SEL1L3: variants seen among roughly 807,000 people sequenced by gnomAD.
SEL1L3 encodes protein sel-1 homolog 3.
In SEL1L3, 76 loss-of-function variants were observed where a neutral mutation model predicts 142.8. The ratio of observed to expected loss-of-function variants is 0.53; its 90% CI spans 0.44 to 0.64. The LOEUF (loss-of-function observed/expected upper bound fraction) is 0.64, where lower values mean the gene tolerates loss of function less well. Among genes scored for constraint, SEL1L3 ranks in the 30% least tolerant of loss-of-function variants. SEL1L3 has a pLI of 0.00. For missense variants in SEL1L3, 1,262 were observed against 1,381.7 expected, an observed-to-expected ratio of 0.91 and a Z score of 1.37; for synonymous variants, 504 against 519.6, an observed-to-expected ratio of 0.97 and a Z score of 0.41.
At chr4:25,824,446 T>C (rs770227771) in intron 6 of SEL1L3, among the ~76,000 whole-genome samples, 40 of 152,348 alleles carry the variant, frequency 2.6e-4, no homozygotes, top group Middle Eastern at 3.4e-3. Flanking sequence ...AGTACCTGCC[T>C]GTATGGTTGT....
chr4:25,723,470 T>C, the SEL1L3 span, among the ~76,000 whole-genome samples: 1 of 152,186 alleles, frequency 6.6e-6, no homozygotes, highest in Non-Finnish European at 1.5e-5. Flanking sequence ...TTCCACAGTA[T>C]TATTGTAACA....
In SEL1L3 at chr4:25,787,169, C is replaced by A. The variant is rs115313168; in HGVS notation, c.2217+1055G>T. Reference sequence around the variant, plus strand: ...AACATACCAGTTGGGTGACCTTGGGCAAATTACAAAACCTTTCTCTGTGCC... The same window carrying A: ...AACATACCAGTTGGGTGACCTTGGGAAAATTACAAAACCTTTCTCTGTGCC... On this transcript the variant is annotated intron_variant, in intron 13 of 23. Coordinates refer to ENST00000399878, the MANE Select transcript of SEL1L3 (RefSeq NM_015187.5). Among the ~76,000 whole-genome samples the A allele has an allele frequency of 4.6e-3, 695 of 152,308 alleles. 4 individuals carry two copies. The highest frequency in any genetic ancestry group is 0.015 in the African/African-American group (638 of 41,560).
At chr4:25,857,149 G>A (rs944739793) in intron 1 of SEL1L3, among the ~76,000 whole-genome samples, 9 of 151,996 alleles carry the variant, frequency 5.9e-5, no homozygotes, top group African/African-American at 1.7e-4. Flanking sequence ...TGTAATTTCT[G>A]TCTACTAGAT....
chr4:25,739,760 ATGTGTGTG>A, the SEL1L3 span, among the ~76,000 whole-genome samples: 11,128 of 146,492 alleles, frequency 0.076, 483 homozygotes, highest in African/African-American at 0.13. Flanking sequence ...AGAAAAAATA[ATGTGTGTG>A]TGTGTGTGTG....
intron 20 of SEL1L3, among the ~76,000 whole-genome samples, chr4:25,761,052 G>A (rs1199982218): frequency 6.6e-6 from 1 of 152,120 alleles, no homozygotes; most frequent in East Asian, 1.9e-4. Flanking sequence ...CTAAATAGAT[G>A]AAGCGTTAAG....
downstream of SEL1L3, among the ~76,000 whole-genome samples, chr4:25,744,348 C>CTTTTTTTTTTTTTTTT (rs35155388): frequency 8.2e-4 from 83 of 101,432 alleles, 12 homozygotes; most frequent in Middle Eastern, 0.018. Flanking sequence ...ATGTGTGAGT[C>CTTTTTTTTTTTTTTTT]TTTTTTTTTT....
At chr4:25,759,282 T>C in intron 20 of SEL1L3, 1 of 526,512 alleles carries the variant, frequency 1.9e-6, no homozygotes, top group Non-Finnish European at 3.3e-6. Flanking sequence ...CAGAAGCTGC[T>C]GTGTCCCATC....
At chr4:25,800,441 A>G (rs940613708) in intron 11 of SEL1L3, among the ~76,000 whole-genome samples, 2 of 152,232 alleles carry the variant, frequency 1.3e-5, no homozygotes, top group Non-Finnish European at 1.5e-5. Context: ...GGTTCTGACC[A>G]ATTAAATGTT....
intron 6 of SEL1L3, among the ~76,000 whole-genome samples, chr4:25,825,973 G>A (rs1715072047): frequency 6.6e-6 from 1 of 151,940 alleles, no homozygotes; most frequent in South Asian, 2.1e-4. Context: ...CGCCCGGCCG[G>A]CCTGGTCTAA....
chr4:25,795,274 C>G (rs1340227409), intron 11 of SEL1L3, among the ~76,000 whole-genome samples: 2 of 152,186 alleles, frequency 1.3e-5, no homozygotes, highest in African/African-American at 4.8e-5. Flanking sequence ...GGTCATGGCA[C>G]ACTCTCAGTA....
chr4:25,811,323 A>C (rs1004490057), intron 9 of SEL1L3, among the ~76,000 whole-genome samples: 1 of 152,254 alleles, frequency 6.6e-6, no homozygotes, highest in African/African-American at 2.4e-5. Flanking sequence ...GAAAGCTGGC[A>C]AACAGCGTCC....
At chr4:25,724,874 A>T in the SEL1L3 span, among the ~76,000 whole-genome samples, 1 of 151,764 alleles carries the variant, frequency 6.6e-6, no homozygotes, top group Non-Finnish European at 1.5e-5. Flanking sequence ...GGGCTGGTGG[A>T]TCAGCATGGG....
At chr4:25,854,592 T>C (rs1717119191) in intron 1 of SEL1L3, among the ~76,000 whole-genome samples, 1 of 152,160 alleles carries the variant, frequency 6.6e-6, no homozygotes, top group African/African-American at 2.4e-5. Flanking sequence ...ATCAAGCTAT[T>C]ATCCCAGATA....
At chr4:25,778,958 T>C in intron 16 of SEL1L3, 118 bp downstream of exon 16, 1 of 808,370 alleles carries the variant, frequency 1.2e-6, no homozygotes, top group South Asian at 3.2e-5. Context: ...TACATGACTT[T>C]TAAAACTACA....
intron 6 of SEL1L3, among the ~76,000 whole-genome samples, chr4:25,822,853 G>A (rs1714852494): frequency 6.6e-6 from 1 of 152,208 alleles, no homozygotes; most frequent in African/African-American, 2.4e-5. Flanking sequence ...AAAGATGGGA[G>A]AACCCCGGTG....
chr4:25,826,222 A>G (rs950816933), intron 6 of SEL1L3, among the ~76,000 whole-genome samples: 12 of 152,184 alleles, frequency 7.9e-5, no homozygotes, highest in Non-Finnish European at 1.8e-4. Flanking sequence ...AAATGAATGA[A>G]TTTAACGCTA....
chr4:25,736,987 CT>C, the SEL1L3 span, among the ~76,000 whole-genome samples: 4 of 145,132 alleles, frequency 2.8e-5, no homozygotes, highest in Non-Finnish European at 4.6e-5. Context: ...TTTTCTTTTT[CT>C]TTTTTTTCTT....
At chr4:25,722,399 C>T in the SEL1L3 span, among the ~76,000 whole-genome samples, 1 of 152,036 alleles carries the variant, frequency 6.6e-6, no homozygotes, top group Non-Finnish European at 1.5e-5. Context: ...TGTCAAGGTG[C>T]ATTTTTTGGT....
chr4:25,748,614 C>A, intron 23 of SEL1L3, 50 bp from the exon 24 acceptor site: 1 of 1,568,052 alleles, frequency 6.4e-7, no homozygotes, highest in Non-Finnish European at 8.6e-7. Flanking sequence ...ACAGTGCATT[C>A]AGAATGTACA....
Sources: gnomAD v4.1 joint callset for allele counts (sites outside exome capture counted in the v4.1 genomes callset) on GRCh38, gnomAD v4.1.1 for gene constraint, MANE v1.5 for transcripts, NCBI Gene and HGNC (gene_info 2026-07-23, HGNC 2026-07-21) for gene names.